Variants in YPEL2 observed in about 807,000 individuals in gnomAD.
The protein encoded by YPEL2 is protein yippee-like 2.
YPEL2 carries 2 observed loss-of-function variants against 19.1 expected under a neutral mutation model. That is an observed-to-expected ratio of 0.10 (90% CI 0.04 to 0.33). The LOEUF (loss-of-function observed/expected upper bound fraction) is 0.33, where lower values mean the gene tolerates loss of function less well. Ranked by LOEUF, YPEL2 falls within the 10% of genes least tolerant of loss-of-function variation. The pLI, the probability that YPEL2 is intolerant of heterozygous loss-of-function variation, is 1.00. For missense variants in YPEL2, 66 were observed against 140.7 expected (o/e 0.47, Z 2.68); for synonymous variants, 52 against 50.0 (o/e 1.04, Z -0.17).
chr17:59,383,030 G>T (rs1598049174), intron 2 of YPEL2, among the ~76,000 whole-genome samples: 1 of 152,122 alleles, frequency 6.6e-6, no homozygotes, highest in East Asian at 1.9e-4. Context: ...ATGAACAAGG[G>T]TTCAAACCCC....
chr17:59,363,797 G>A (rs748630095), intron 2 of YPEL2, among the ~76,000 whole-genome samples: 8 of 152,178 alleles, frequency 5.3e-5, no homozygotes, highest in East Asian at 1.9e-4. Flanking sequence ...CTACCGCTTC[G>A]CAGTGTGGCC....
At chr17:59,374,440 C>T (rs528498241) in intron 2 of YPEL2, among the ~76,000 whole-genome samples, 2 of 152,282 alleles carry the variant, frequency 1.3e-5, no homozygotes, top group South Asian at 4.1e-4. Flanking sequence ...CTCTTGAATC[C>T]AGTCCCAGAG....
chr17:59,347,336 A>T (rs535592258), intron 1 of YPEL2, among the ~76,000 whole-genome samples: 3 of 152,066 alleles, frequency 2.0e-5, no homozygotes, highest in Non-Finnish European at 4.4e-5. Flanking sequence ...TGTGTTGCCC[A>T]GGCTAGTCTC....
intron 1 of YPEL2, among the ~76,000 whole-genome samples, chr17:59,343,531 T>C (rs1227255399): frequency 6.6e-6 from 1 of 152,126 alleles, no homozygotes; most frequent in Non-Finnish European, 1.5e-5. Flanking sequence ...CTACTGGAGC[T>C]GAGTATTAAG....
intron 3 of YPEL2, chr17:59,389,118 AACTC>A: frequency 1.9e-6 from 1 of 515,416 alleles, no homozygotes. Flanking sequence ...ATTTTAAGCA[AACTC>A]TCAACCATAA....
intron 2 of YPEL2, among the ~76,000 whole-genome samples, chr17:59,379,283 T>C (rs559264663): frequency 1.8e-4 from 27 of 152,312 alleles, no homozygotes; most frequent in African/African-American, 6.5e-4. Context: ...CTGTTTTGTT[T>C]GGGTTCCAAC....
At chr17:59,354,092 A>C (rs944809933) in intron 2 of YPEL2, 1 of 161,118 alleles carries the variant, frequency 6.2e-6, no homozygotes, top group African/African-American at 2.4e-5. Flanking sequence ...GATCAGAAGA[A>C]TGGAACCCTG....
chr17:59,348,838 TC>T (rs1485570911), intron 1 of YPEL2, among the ~76,000 whole-genome samples: 2 of 152,094 alleles, frequency 1.3e-5, no homozygotes, highest in African/African-American at 2.4e-5. Context: ...GGGCTAAAGT[TC>T]AAAAATTAGA....
intron 2 of YPEL2, among the ~76,000 whole-genome samples, chr17:59,377,705 C>G (rs1438203841): frequency 3.3e-5 from 5 of 152,158 alleles, no homozygotes; most frequent in Non-Finnish European, 2.9e-5. Flanking sequence ...CAGCACACTG[C>G]CAAAGCCCCA....
chr17:59,394,550 T>G (rs1040768135), intron 4 of YPEL2, among the ~76,000 whole-genome samples: 1 of 150,516 alleles, frequency 6.6e-6, no homozygotes, highest in Non-Finnish European at 1.5e-5. Context: ...GCAGAGACGC[T>G]CCTCACTTCC....
At position 59,398,939 on chromosome 17, in the gene YPEL2, T is replaced by C. The variant is rs2147963738; in HGVS notation, c.*1749T>C. The stretch of plus-strand genomic sequence containing the variant: ...GCGCGTCCTTGGTGGAAATGCTTTT[T>C]TGTGTGTCTCCACGCGCTGATGGTG... On this transcript the variant is annotated 3_prime_UTR_variant, in exon 5 of 5. Transcript: ENST00000312655. The C allele has an allele frequency of 6.6e-6, 1 of 152,220 alleles. No individual in the cohort carries two copies. The highest frequency in any genetic ancestry group is 3.4e-3 in the Middle Eastern group (1 of 294). 9.4% of individuals were successfully genotyped at this position (152,220 alleles called of 1,614,324 possible).
chr17:59,391,428 T>C (rs142104147), intron 4 of YPEL2, among the ~76,000 whole-genome samples: 1 of 152,180 alleles, frequency 6.6e-6, no homozygotes, highest in East Asian at 1.9e-4. Context: ...GAAAAAAATA[T>C]ATTTACACAC....
intron 2 of YPEL2, among the ~76,000 whole-genome samples, chr17:59,361,752 G>C (rs2047842031): frequency 6.6e-6 from 1 of 152,042 alleles, no homozygotes; most frequent in South Asian, 2.1e-4. Flanking sequence ...AGATACTGTT[G>C]GTTAAAAAAG....
At chr17:59,366,354 G>A (rs998072349) in intron 2 of YPEL2, among the ~76,000 whole-genome samples, 1 of 152,126 alleles carries the variant, frequency 6.6e-6, no homozygotes, top group Non-Finnish European at 1.5e-5. Flanking sequence ...CTGAAAAAGC[G>A]GTTGGTGGCA....
At chr17:59,350,262 G>T (rs922795090) in intron 1 of YPEL2, among the ~76,000 whole-genome samples, 1 of 151,970 alleles carries the variant, frequency 6.6e-6, no homozygotes, top group African/African-American at 2.4e-5. Flanking sequence ...TAGAGTTGAG[G>T]TCTTGCCGTG....
At chr17:59,382,371 C>T (rs995652133) in intron 2 of YPEL2, among the ~76,000 whole-genome samples, 4 of 109,072 alleles carry the variant, frequency 3.7e-5, no homozygotes, top group African/African-American at 1.5e-4. Flanking sequence ...CTGCCACGTG[C>T]CATCCTCCAC....
intron 2 of YPEL2, among the ~76,000 whole-genome samples, chr17:59,384,048 A>G (rs2047968166): frequency 6.6e-6 from 1 of 152,174 alleles, no homozygotes; most frequent in African/African-American, 2.4e-5. Flanking sequence ...ACTCGTTTCC[A>G]AAGTTGCTGT....
At chr17:59,346,249 A>G (rs568730955) in intron 1 of YPEL2, among the ~76,000 whole-genome samples, 2 of 152,348 alleles carry the variant, frequency 1.3e-5, no homozygotes, top group East Asian at 1.9e-4. Context: ...GGGACAGGCT[A>G]TGGCTACTTA....
chr17:59,384,403 A>G (rs2047970106), intron 2 of YPEL2, among the ~76,000 whole-genome samples: 1 of 152,202 alleles, frequency 6.6e-6, no homozygotes, highest in Non-Finnish European at 1.5e-5. Flanking sequence ...TTCATCTCAT[A>G]TGCAAAACAT....
Sources: gnomAD v4.1 joint callset for allele counts (sites outside exome capture counted in the v4.1 genomes callset) on GRCh38, gnomAD v4.1.1 for gene constraint, MANE v1.5 for transcripts, NCBI Gene and HGNC (gene_info 2026-07-23, HGNC 2026-07-21) for gene names.